Variants in KPNA4 observed in about 807,000 individuals in gnomAD.
KPNA4 encodes importin subunit alpha-3.
KPNA4 carries 13 observed loss-of-function variants against 71.3 expected under a neutral mutation model. The ratio of observed to expected loss-of-function variants is 0.18; its 90% CI spans 0.12 to 0.29. The LOEUF is 0.29. Ranked by LOEUF, KPNA4 falls within the 10% of genes least tolerant of loss-of-function variation. The probability of loss-of-function intolerance (pLI) is 1.00; values close to 1 mark genes in which losing one functional copy is unlikely to be tolerated. For missense variants in KPNA4, 334 were observed against 603.2 expected (o/e 0.55, Z 4.67); for synonymous variants, 189 against 195.2 (o/e 0.97, Z 0.26).
chr3:160,505,147 C>T (rs534560852), intron 15 of KPNA4, 95 bp from the exon 16 acceptor site: 4 of 545,058 alleles, frequency 7.3e-6, no homozygotes, highest in African/African-American at 2.0e-5. Flanking sequence ...ATTTCTGAAT[C>T]GCAAATTTTT....
At chr3:160,549,394 A>G (rs1428714381) in intron 1 of KPNA4, among the ~76,000 whole-genome samples, 1 of 152,102 alleles carries the variant, frequency 6.6e-6, no homozygotes, top group African/African-American at 2.4e-5. Flanking sequence ...ATTTTCTTCT[A>G]GTTTACCAGT....
rs1259228991 is a variant in KPNA4 at position 160,496,403 on chromosome 3, C to T, written c.*5701G>A. 1 of 152,126 alleles carries T rather than the reference C, an allele frequency of 6.6e-6. No homozygotes were observed. Among genetic ancestry groups the T allele is most frequent in the Non-Finnish European group, 1.5e-5 (1 of 68,046 alleles). The allele number at this position is 152,126 out of a possible 1,614,324, so 9.4% of individuals were successfully genotyped here. On this transcript the variant is annotated 3_prime_UTR_variant, in exon 17 of 17. Coordinates refer to ENST00000334256, the MANE Select transcript of KPNA4 (RefSeq NM_002268.5). Reference sequence around the variant, plus strand: ...AGGTAGGTAACTGGATTGAGAACCACAAAAAGCATGTAGATTTAAGCAGAT... The same window carrying T: ...AGGTAGGTAACTGGATTGAGAACCATAAAAAGCATGTAGATTTAAGCAGAT...
chr3:160,541,253 G>A (rs923354428), intron 1 of KPNA4, among the ~76,000 whole-genome samples: 14 of 152,058 alleles, frequency 9.2e-5, no homozygotes, highest in African/African-American at 1.7e-4. Context: ...AGTAATTACT[G>A]TACAATTTTG....
At chr3:160,528,210 C>A (rs1450593754) in intron 7 of KPNA4, among the ~76,000 whole-genome samples, 171 bp from the exon 8 acceptor site, 1 of 151,924 alleles carries the variant, frequency 6.6e-6, no homozygotes. Context: ...GAATTTTGAC[C>A]AGTGACTATT....
intron 7 of KPNA4, 22 bp from the exon 8 acceptor site, chr3:160,528,061 A>T: frequency 6.3e-7 from 1 of 1,584,636 alleles, no homozygotes; most frequent in Non-Finnish European, 8.7e-7. Context: ...AAAAATAACA[A>T]TACTTAAGGT....
chr3:160,519,467 TAA>T, intron 11 of KPNA4, among the ~76,000 whole-genome samples: 1 of 152,124 alleles, frequency 6.6e-6, no homozygotes. Flanking sequence ...ATTAAGGTTT[TAA>T]AAAGTCTACT....
intron 13 of KPNA4, among the ~76,000 whole-genome samples, chr3:160,510,740 G>A (rs1392660099): frequency 6.6e-6 from 1 of 151,588 alleles, no homozygotes; most frequent in Non-Finnish European, 1.5e-5. Flanking sequence ...TTTATCTGTA[G>A]ATCTAGTAAT....
intron 5 of KPNA4, 88 bp from the exon 6 acceptor site, chr3:160,531,645 A>T: frequency 1.6e-6 from 1 of 619,188 alleles, no homozygotes; most frequent in Non-Finnish European, 2.6e-6. Context: ...ATATTAACAT[A>T]AATCTGAATA....
At chr3:160,504,792 A>G (rs1435065032) in intron 16 of KPNA4, among the ~76,000 whole-genome samples, 166 bp downstream of exon 16, 2 of 152,198 alleles carry the variant, frequency 1.3e-5, no homozygotes, top group African/African-American at 2.4e-5. Context: ...GGATCTTAAA[A>G]TATTGAAATA....
chr3:160,553,079 C>T (rs113247954), intron 1 of KPNA4, among the ~76,000 whole-genome samples: 207 of 152,236 alleles, frequency 1.4e-3, no homozygotes, highest in Middle Eastern at 6.8e-3. Context: ...GGAGATGAGA[C>T]AATAATGCTT....
intron 1 of KPNA4, among the ~76,000 whole-genome samples, chr3:160,538,228 T>TA (rs891388457): frequency 2.6e-5 from 4 of 151,274 alleles, no homozygotes; most frequent in Non-Finnish European, 4.4e-5. Context: ...TACATAAATG[T>TA]AAAAAAAAGA....
At chr3:160,526,872 C>T (rs1373190481) in intron 8 of KPNA4, among the ~76,000 whole-genome samples, 1 of 152,128 alleles carries the variant, frequency 6.6e-6, no homozygotes, top group Non-Finnish European at 1.5e-5. Flanking sequence ...AATGAAAGAT[C>T]AAGATGCTGT....
At chr3:160,534,719 A>G (rs1292098758) in intron 5 of KPNA4, among the ~76,000 whole-genome samples, 10 of 85,890 alleles carry the variant, frequency 1.2e-4, no homozygotes, top group African/African-American at 3.5e-4. Context: ...TCCATCTCAG[A>G]AAAAAAAAAA....
At chr3:160,512,384 C>T (rs1037932760) in intron 13 of KPNA4, among the ~76,000 whole-genome samples, 2 of 151,530 alleles carry the variant, frequency 1.3e-5, no homozygotes, top group Non-Finnish European at 2.9e-5. Flanking sequence ...TTAAAACTTG[C>T]AAAATATATT....
chr3:160,531,083 C>T (rs1721566673), intron 6 of KPNA4, 143 bp from the exon 7 acceptor site: 4 of 616,680 alleles, frequency 6.5e-6, no homozygotes, highest in Non-Finnish European at 8.5e-6. Context: ...TTTTTTAACC[C>T]TCAACAACTG....
At chr3:160,541,079 T>G (rs962435140) in intron 1 of KPNA4, among the ~76,000 whole-genome samples, 4 of 152,194 alleles carry the variant, frequency 2.6e-5, no homozygotes, top group Non-Finnish European at 5.9e-5. Flanking sequence ...GACTAAACAC[T>G]TACCCTGCTT....
intron 16 of KPNA4, among the ~76,000 whole-genome samples, chr3:160,503,441 T>G (rs1266297709): frequency 6.6e-6 from 1 of 152,092 alleles, no homozygotes; most frequent in Non-Finnish European, 1.5e-5. Flanking sequence ...ATTCTAAAAT[T>G]CAAAAAAATC....
At position 160,565,415 on chromosome 3, in the gene KPNA4, C is replaced by G; in HGVS notation, c.-133G>C. The G allele has an allele frequency of 1.4e-6, 1 of 695,592 alleles. No individual in the cohort carries two copies. Among genetic ancestry groups the G allele is most frequent in the South Asian group, 1.8e-5 (1 of 56,718 alleles). The allele number at this position is 695,592 out of a possible 1,614,324, so 43.1% of individuals were successfully genotyped here. ...CCGCCGCGCCGCCGCTTCCTTCCTC[C>G]TCTCACCTGCCTCCGCCGCGGCCTT... On this transcript the variant is annotated 5_prime_UTR_variant, in exon 1 of 17. Coordinates refer to ENST00000334256, the MANE Select transcript of KPNA4 (RefSeq NM_002268.5).
intron 11 of KPNA4, among the ~76,000 whole-genome samples, chr3:160,517,675 C>T (rs1465931170): frequency 6.6e-6 from 1 of 152,054 alleles, no homozygotes; most frequent in African/African-American, 2.4e-5. Flanking sequence ...GAAGTAGTAT[C>T]TCACTGTGGC....
Sources: gnomAD v4.1 joint callset for allele counts (sites outside exome capture counted in the v4.1 genomes callset) on GRCh38, gnomAD v4.1.1 for gene constraint, MANE v1.5 for transcripts, NCBI Gene and HGNC (gene_info 2026-07-23, HGNC 2026-07-21) for gene names.